The following GRIN3A variants were observed in gnomAD, a reference collection of about 807,000 sequenced individuals.
The protein encoded by GRIN3A is glutamate receptor ionotropic, NMDA 3A.
Under a neutral mutation model 92.4 loss-of-function variants are expected in GRIN3A, and 47 were observed. The ratio of observed to expected loss-of-function variants is 0.51; its 90% CI spans 0.40 to 0.65. The LOEUF (loss-of-function observed/expected upper bound fraction) is 0.65. Ranked by LOEUF, GRIN3A falls within the 30% of genes least tolerant of loss-of-function variation. The pLI, the probability that GRIN3A is intolerant of heterozygous loss-of-function variation, is 0.00. For synonymous variants in GRIN3A, 527 were observed against 540.6 expected (o/e 0.97, Z 0.35); for missense variants, 1,324 against 1,393.1 (o/e 0.95, Z 0.79).
chr9:101,694,616 C>T (rs1829658319), intron 1 of GRIN3A, among the ~76,000 whole-genome samples: 1 of 152,164 alleles, frequency 6.6e-6, no homozygotes, highest in Non-Finnish European at 1.5e-5. Flanking sequence ...ATTTGACTCA[C>T]TCATTCTCTG....
intron 5 of GRIN3A, 94 bp from the exon 6 acceptor site, chr9:101,613,621 A>G (rs1253163786): frequency 2.6e-6 from 3 of 1,176,160 alleles, no homozygotes; most frequent in Non-Finnish European, 3.8e-6. Flanking sequence ...CATCAGACCA[A>G]AAAAAGGGCG....
chr9:101,585,317 G>A (rs1827936164), intron 6 of GRIN3A, among the ~76,000 whole-genome samples: 2 of 152,144 alleles, frequency 1.3e-5, no homozygotes, highest in South Asian at 2.1e-4. Flanking sequence ...CTTTCTGACT[G>A]TAAACATAGG....
intron 2 of GRIN3A, among the ~76,000 whole-genome samples, chr9:101,678,434 G>A (rs1328662109): frequency 2.0e-5 from 3 of 152,072 alleles, no homozygotes; most frequent in Non-Finnish European, 4.4e-5. Context: ...CAGAACAGAA[G>A]GCCCTGCACG....
intron 3 of GRIN3A, among the ~76,000 whole-genome samples, chr9:101,659,260 CTGA>C (rs1242198790): frequency 6.6e-6 from 1 of 151,394 alleles, no homozygotes; most frequent in Non-Finnish European, 1.5e-5. Flanking sequence ...GACATGTATG[CTGA>C]TAATTGTTTA....
intron 6 of GRIN3A, among the ~76,000 whole-genome samples, chr9:101,610,267 T>C (rs1588246921): frequency 6.6e-6 from 1 of 152,352 alleles, no homozygotes; most frequent in East Asian, 1.9e-4. Flanking sequence ...CAGTTTCTAT[T>C]ACATGGTAGG....
Position 101,670,872 on chromosome 9 carries a change from G to A in GRIN3A, c.1540C>T (p.His514Tyr). The A allele has an allele frequency of 6.2e-7, 1 of 1,612,736 alleles. No individual in the cohort carries two copies. The highest frequency in any genetic ancestry group is 2.2e-5 in the East Asian group (1 of 44,838). ...TCAATCAGGGTAACCACTCTCAAGT[G>A]TAGCTTACTTGGATGTTGGAAGTGG... Reference protein sequence around the residue: ...KTHFQHPSKLHLRVVTLIEHP... With the variant: ...KTHFQHPSKLYLRVVTLIEHP... The change falls in exon 3 of 9, where the codon CAC becomes TAC. Residue 514 changes from histidine (H) to tyrosine (Y), a missense_variant. Physicochemically the swap from His to Tyr is moderately conservative, Grantham distance 83 (BLOSUM62 2). Coordinates refer to ENST00000361820, the MANE Select transcript of GRIN3A (RefSeq NM_133445.3).
chr9:101,704,629 G>A (rs1483802820), intron 1 of GRIN3A, among the ~76,000 whole-genome samples: 1 of 152,156 alleles, frequency 6.6e-6, no homozygotes, highest in Non-Finnish European at 1.5e-5. Flanking sequence ...GAGCTCTGCA[G>A]CACCCAGTCC....
At chr9:101,689,841 C>T (rs2118984092) in intron 1 of GRIN3A, among the ~76,000 whole-genome samples, 1 of 151,556 alleles carries the variant, frequency 6.6e-6, no homozygotes, top group African/African-American at 2.4e-5. Context: ...AAATCCAGGA[C>T]AAAAATTAAA....
intron 1 of GRIN3A, among the ~76,000 whole-genome samples, chr9:101,733,763 A>G (rs1830169551): frequency 6.6e-6 from 1 of 152,238 alleles, no homozygotes; most frequent in Admixed American, 6.5e-5. Context: ...AAAGAAGCAT[A>G]TATTAATTTG....
chr9:101,618,502 A>G (rs979692467), intron 5 of GRIN3A, among the ~76,000 whole-genome samples: 32 of 152,180 alleles, frequency 2.1e-4, no homozygotes, highest in African/African-American at 7.2e-4. Flanking sequence ...ATGACATACC[A>G]TCTCACACCA....
At chr9:101,610,714 A>C (rs1828354218) in intron 6 of GRIN3A, among the ~76,000 whole-genome samples, 1 of 152,148 alleles carries the variant, frequency 6.6e-6, no homozygotes, top group African/African-American at 2.4e-5. Flanking sequence ...CAAATGTAAA[A>C]AACAGATTTC....
rs149189214 is a variant in GRIN3A, at chr9:101,735,175, G to T, written c.699+2106C>A. On this transcript the variant is annotated intron_variant, in intron 1 of 8. Coordinates refer to ENST00000361820, the MANE Select transcript of GRIN3A (RefSeq NM_133445.3). Reference sequence around the variant, plus strand: ...GAGATACCAAAAGTAAGACAAATTAGATATGTTTGAATTTAAAGTAAAAAG... The same window carrying T: ...GAGATACCAAAAGTAAGACAAATTATATATGTTTGAATTTAAAGTAAAAAG... Among the ~76,000 whole-genome samples, 42 of 151,840 alleles carry T rather than the reference G, an allele frequency of 2.8e-4. 1 individual carries two copies. The East Asian group carries it at 7.3e-3, about 27-fold the overall frequency.
chr9:101,670,093 G>A lies in GRIN3A; in HGVS notation c.2319C>T (p.Ile773=). The stretch of plus-strand genomic sequence containing the variant: ...CATGTATTCCAGAAAGCTCTTCATA[G>A]ATCTTCTCACCTACCATGACAGCAG... The part of the protein sequence containing the change: ...NLAAVMVGEK[I]YEELSGIHDP... Residue 773 remains isoleucine, a synonymous_variant, in exon 3 of 9, where the codon ATC becomes ATT. Transcript: ENST00000361820. The A allele has an allele frequency of 6.2e-7, 1 of 1,613,728 alleles. No individual in the cohort carries two copies. Among genetic ancestry groups the A allele is most frequent in the African/African-American group, 1.3e-5 (1 of 75,004 alleles).
chr9:101,736,486 A>T (rs1337928249), intron 1 of GRIN3A, among the ~76,000 whole-genome samples: 1 of 152,128 alleles, frequency 6.6e-6, no homozygotes, highest in Admixed American at 6.5e-5. Context: ...AAACTAAATC[A>T]TTTAATTCCT....
chr9:101,681,446 G>A (rs1321032755), intron 2 of GRIN3A, among the ~76,000 whole-genome samples: 11 of 152,172 alleles, frequency 7.2e-5, no homozygotes, highest in Admixed American at 3.3e-4. Flanking sequence ...TGTGTGGTAT[G>A]TTATCAAGTT....
rs749915959 is a variant in GRIN3A at position 101,737,885 on chromosome 9, G to A, written c.95C>T (p.Ser32Phe). Reference protein sequence around the residue: ...ALVLAGVPSSSSHPQPCQILK... With the variant: ...ALVLAGVPSSFSHPQPCQILK... ...GATCTGGCAGGGCTGCGGGTGCGAG[G>A]AGGAGCTGGGCACCCCGGCCAGCAC... The change falls in exon 1 of 9, where the codon TCC becomes TTC. Residue 32 changes from serine (S) to phenylalanine (F), a missense_variant. Transcript: ENST00000361820. The A allele has an allele frequency of 7.2e-6, 11 of 1,534,290 alleles. No individual in the cohort carries two copies. Among genetic ancestry groups the A allele is most frequent in the South Asian group, 3.6e-5 (3 of 84,000 alleles).
chr9:101,577,705 A>T, intron 8 of GRIN3A, 63 bp downstream of exon 8: 1 of 1,144,436 alleles, frequency 8.7e-7, no homozygotes, highest in Non-Finnish European at 1.3e-6. Context: ...GAATAATTAT[A>T]CAGTTAGATC....
chr9:101,658,566 A>G (rs1407870), intron 3 of GRIN3A, among the ~76,000 whole-genome samples: 51,138 of 151,734 alleles, frequency 0.34, 9,488 homozygotes, highest in Non-Finnish European at 0.42. Context: ...GATAGGTTTT[A>G]TTTGGTTGGC....
chr9:101,720,021 A>G (rs1829992447), intron 1 of GRIN3A, among the ~76,000 whole-genome samples: 5 of 152,100 alleles, frequency 3.3e-5, no homozygotes, highest in Admixed American at 3.3e-4. Flanking sequence ...AGCATCCAAG[A>G]TAAACACACT....
Sources: allele counts gnomAD v4.1 joint callset (sites outside exome capture counted in the v4.1 genomes callset), GRCh38; gene constraint gnomAD v4.1.1; transcripts MANE v1.5; gene names NCBI Gene and HGNC (gene_info 2026-07-23, HGNC 2026-07-21).